The following SSBP2 variants were observed in gnomAD, a reference collection of about 807,000 sequenced individuals.
SSBP2 encodes the protein single stranded DNA binding protein 2, also known as single-stranded DNA-binding protein 2.
A neutral mutation model predicts 61.8 loss-of-function variants in SSBP2; 17 were observed. The observed-to-expected ratio is 0.28, with a 90% CI of 0.19 to 0.41. The LOEUF is 0.41. SSBP2 is among the 10% of genes least tolerant of loss of function. SSBP2 has a pLI of 1.00. For synonymous variants in SSBP2, 139 were observed against 141.3 expected (o/e 0.98, Z 0.12); for missense variants, 310 against 458.7 (o/e 0.68, Z 2.96).
In SSBP2 at chr5:81,413,682, G is replaced by T. The variant is rs553147869; in HGVS notation, c.*6822C>A. On this transcript the variant is annotated 3_prime_UTR_variant, in exon 17 of 17. Coordinates refer to ENST00000320672, the MANE Select transcript of SSBP2 (RefSeq NM_012446.5). ...TAGTTTGTGTTTTAATTGTCTTAAT[G>T]CAAGGAAAGTAAAACAGTTTGAAAT... is the stretch of plus-strand genomic sequence containing the variant. The T allele has an allele frequency of 6.6e-6, 1 of 152,206 alleles. No individual in the cohort carries two copies. The highest frequency in any genetic ancestry group is 2.4e-5 in the African/African-American group (1 of 41,546). The allele number at this position is 152,206 out of a possible 1,614,324, so 9.4% of individuals were successfully genotyped here.
intron 1 of SSBP2, among the ~76,000 whole-genome samples, chr5:81,711,702 A>AT (rs1467983454): frequency 6.6e-6 from 1 of 151,936 alleles, no homozygotes; most frequent in Admixed American, 6.6e-5. Flanking sequence ...ATAAAAAAAA[A>AT]AATAAAACCT....
chr5:81,463,758 C>CTTTTTTTT (rs938398439), intron 9 of SSBP2, among the ~76,000 whole-genome samples: 8 of 96,288 alleles, frequency 8.3e-5, no homozygotes, highest in Middle Eastern at 6.8e-3. Flanking sequence ...GAAAAATCCT[C>CTTTTTTTT]TTTTTTTTTT....
At chr5:81,656,593 A>C (rs1046220118) in intron 1 of SSBP2, among the ~76,000 whole-genome samples, 1 of 152,120 alleles carries the variant, frequency 6.6e-6, no homozygotes, top group African/African-American at 2.4e-5. Context: ...TAATATGTTT[A>C]ATATATAAAG....
intron 3 of SSBP2, among the ~76,000 whole-genome samples, chr5:81,621,914 C>T (rs2153628534): frequency 8.3e-6 from 1 of 119,868 alleles, no homozygotes; most frequent in South Asian, 3.0e-4. Context: ...AATGAGATCA[C>T]ATGGACACAG....
intron 1 of SSBP2, among the ~76,000 whole-genome samples, chr5:81,695,671 A>T (rs1255732494): frequency 6.6e-6 from 1 of 152,144 alleles, no homozygotes; most frequent in Non-Finnish European, 1.5e-5. Context: ...TTGAAAACTT[A>T]GATATTACTA....
At chr5:81,486,242 T>C (rs1343650723) in intron 6 of SSBP2, among the ~76,000 whole-genome samples, 4 of 152,182 alleles carry the variant, frequency 2.6e-5, no homozygotes, top group Non-Finnish European at 5.9e-5. Flanking sequence ...TTTTGAAAAT[T>C]CAAAGACATT....
intron 4 of SSBP2, among the ~76,000 whole-genome samples, chr5:81,519,200 GAC>G (rs1769268069): frequency 1.3e-5 from 2 of 152,110 alleles, no homozygotes; most frequent in Admixed American, 6.6e-5. Flanking sequence ...AAAGTTAAAA[GAC>G]ACAGCAGTAA....
intron 1 of SSBP2, among the ~76,000 whole-genome samples, chr5:81,710,011 C>T (rs891382593): frequency 6.6e-5 from 10 of 151,956 alleles, no homozygotes; most frequent in African/African-American, 2.4e-4. Flanking sequence ...CTAAAATATT[C>T]AACTACAGAT....
At chr5:81,492,377 G>A (rs186468991) in intron 5 of SSBP2, among the ~76,000 whole-genome samples, 74 of 152,214 alleles carry the variant, frequency 4.9e-4, no homozygotes, top group African/African-American at 1.6e-3. Context: ...GGTGGCACAC[G>A]CCTGTAATCC....
At chr5:81,447,822 G>T (rs1345536643) in intron 11 of SSBP2, 1 of 152,020 alleles carries the variant, frequency 6.6e-6, no homozygotes, top group African/African-American at 2.4e-5. Context: ...GTGGCTTTAA[G>T]AAAAAATAGG....
chr5:81,745,346 C>T (rs182788483), intron 1 of SSBP2, among the ~76,000 whole-genome samples: 78 of 152,180 alleles, frequency 5.1e-4, no homozygotes, highest in African/African-American at 1.9e-3. Context: ...AGGTTATATA[C>T]ATACGTTAAC....
chr5:81,443,638 C>G (rs886121442), intron 12 of SSBP2, among the ~76,000 whole-genome samples: 1 of 152,238 alleles, frequency 6.6e-6, no homozygotes, highest in Non-Finnish European at 1.5e-5. Context: ...TCTTGGCTCA[C>G]TGCAACCTCC....
At position 81,485,032 on chromosome 5, in the gene SSBP2, C is replaced by T. The variant is rs572564041; in HGVS notation, c.432+4218G>A. 2.1e-4 allele frequency among the ~76,000 whole-genome samples: 32 copies of T among 152,186 alleles called. 1 individual carries two copies. In the South Asian group the frequency reaches 5.0e-3, roughly 24 times the overall value. On this transcript the variant is annotated intron_variant, in intron 6 of 16. Coordinates refer to ENST00000320672, the MANE Select transcript of SSBP2 (RefSeq NM_012446.5). The stretch of plus-strand genomic sequence containing the variant: ...CATATCATTAACATTATCTGTATTT[C>T]GGGCTGTCTTGATTTCCTCAAGATA...
chr5:81,564,549 T>C (rs1021101738), intron 4 of SSBP2, among the ~76,000 whole-genome samples: 10 of 152,230 alleles, frequency 6.6e-5, no homozygotes, highest in East Asian at 3.8e-4. Flanking sequence ...GGATTAAATA[T>C]AGCTGATTAG....
chr5:81,674,219 C>T (rs1195095453), intron 1 of SSBP2, among the ~76,000 whole-genome samples: 2 of 152,120 alleles, frequency 1.3e-5, no homozygotes, highest in Admixed American at 1.3e-4. Flanking sequence ...CCCAGGAAAT[C>T]TCACTTTGGG....
At chr5:81,498,761 C>T (rs1489778729) in intron 5 of SSBP2, among the ~76,000 whole-genome samples, 2 of 151,864 alleles carry the variant, frequency 1.3e-5, no homozygotes, top group South Asian at 2.1e-4. Context: ...AATGTGTTAA[C>T]GCTCTTGAAG....
intron 4 of SSBP2, among the ~76,000 whole-genome samples, chr5:81,526,760 G>A (rs1769974283): frequency 6.6e-6 from 1 of 151,830 alleles, no homozygotes; most frequent in Admixed American, 6.6e-5. Context: ...GCAGACCTTT[G>A]TTCTTCTTCT....
At chr5:81,438,910 T>C (rs1211307137) in intron 14 of SSBP2, among the ~76,000 whole-genome samples, 1 of 152,250 alleles carries the variant, frequency 6.6e-6, no homozygotes. Flanking sequence ...GTGGCTGCTG[T>C]GTACCTGACA....
rs376029315 is a variant in SSBP2, at chr5:81,527,898, T to C, written c.283-14181A>G. ...TACGTATGTATCCCAGAACTTAAAGTAGTAAAAAAAAAAAAAAAAAGTGTT... is the reference window on the plus strand; with the variant it reads ...TACGTATGTATCCCAGAACTTAAAGCAGTAAAAAAAAAAAAAAAAAGTGTT... On this transcript the variant is annotated intron_variant, in intron 4 of 16. Coordinates refer to ENST00000320672, the MANE Select transcript of SSBP2 (RefSeq NM_012446.5). 3.6e-4 allele frequency among the ~76,000 whole-genome samples: 49 copies of C among 136,444 alleles called. No homozygotes were observed. In the East Asian group the frequency reaches 8.5e-3, roughly 24 times the overall value. The allele number at this position is 136,444 out of a possible 152,430, so 89.5% of individuals were successfully genotyped here.
Sources: gnomAD v4.1 joint callset for allele counts (sites outside exome capture counted in the v4.1 genomes callset) on GRCh38, gnomAD v4.1.1 for gene constraint, MANE v1.5 for transcripts, NCBI Gene and HGNC (gene_info 2026-07-23, HGNC 2026-07-21) for gene names.